Variants in ELMOD3 observed in about 807,000 individuals in gnomAD.
ELMOD3 encodes ELMO domain containing 3.
ELMOD3 carries 36 observed loss-of-function variants against 47.4 expected under a neutral mutation model. The ratio of observed to expected loss-of-function variants is 0.76; its 90% CI spans 0.58 to 1.00. The LOEUF (loss-of-function observed/expected upper bound fraction) is 1.00. ELMOD3 is among the 50% of genes least tolerant of loss of function. The probability of loss-of-function intolerance (pLI) is 0.00; values close to 1 mark genes in which losing one functional copy is unlikely to be tolerated. For missense variants in ELMOD3, 404 were observed against 463.8 expected (o/e 0.87, Z 1.18); for synonymous variants, 149 against 183.5 (o/e 0.81, Z 1.52).
intron 10 of ELMOD3, among the ~76,000 whole-genome samples, chr2:85,377,106 T>C (rs1373628349): frequency 6.6e-6 from 1 of 152,244 alleles, no homozygotes; most frequent in Non-Finnish European, 1.5e-5. Flanking sequence ...TCAAGGGTCA[T>C]AGGCAGCAGC....
intron 10 of ELMOD3, chr2:85,372,443 G>A (rs1316778467): frequency 1.3e-5 from 2 of 152,124 alleles, no homozygotes; most frequent in Admixed American, 1.3e-4. Flanking sequence ...TAAGTGATAT[G>A]GAAAACACTG....
chr2:85,377,371 G>A lies in ELMOD3; in HGVS notation c.635G>A (p.Gly212Asp), dbSNP rs1473692091. ...GCGAATCCAGCCACAGACCTGAGAG[G>A]CGCAGGCTTCCTTGCCCTCCTGCAT... ...QGANPATDLR[G>D]AGFLALLHLL... The change falls in exon 11 of 14, where the codon GGC becomes GAC. Residue 212 changes from glycine to aspartate, a missense_variant. Coordinates refer to ENST00000409013, the MANE Select transcript of ELMOD3 (RefSeq NM_001135022.2). The A allele has an allele frequency of 1.9e-6, 3 of 1,608,806 alleles. No individual in the cohort carries two copies. Among genetic ancestry groups the A allele is most frequent in the South Asian group, 1.1e-5 (1 of 90,080 alleles).
chr2:85,371,395 C>A (rs1295992647), intron 9 of ELMOD3, 45 bp from the exon 10 acceptor site: 2 of 1,611,900 alleles, frequency 1.2e-6, no homozygotes, highest in African/African-American at 2.7e-5. Flanking sequence ...CCGGTTCTCC[C>A]ATGAGGGGCA....
At position 85,357,073 on chromosome 2, in the gene ELMOD3, C is replaced by T; in HGVS notation, c.-126C>T. Reference sequence around the variant, plus strand: ...GTTTTCTTACTCTTAGTCTGAGTGACTGCCAAGGAAGGCAAAGGTAGAGCA... The same window carrying T: ...GTTTTCTTACTCTTAGTCTGAGTGATTGCCAAGGAAGGCAAAGGTAGAGCA... On this transcript the variant is annotated 5_prime_UTR_variant, in exon 4 of 14. Transcript: ENST00000409013. 1 of 643,870 alleles carries T rather than the reference C, an allele frequency of 1.6e-6. No individual in the cohort carries two copies. The highest frequency in any genetic ancestry group is 2.7e-6 in the Non-Finnish European group (1 of 367,250). 39.9% of individuals were successfully genotyped at this position (643,870 alleles called of 1,614,324 possible). A position where few individuals can be genotyped will look rare whatever the true frequency, so the allele number is the denominator to read the frequency against.
intron 10 of ELMOD3, among the ~76,000 whole-genome samples, chr2:85,373,927 T>TTC (rs1684985167): frequency 1.3e-5 from 2 of 150,836 alleles, no homozygotes; most frequent in Admixed American, 6.6e-5. Flanking sequence ...CTCTTTTTTT[T>TTC]TTTTTTTTTT....
At position 85,361,284 on chromosome 2, in the gene ELMOD3, G is replaced by A. The variant is rs146665167; in HGVS notation, c.55-902G>A. On this transcript the variant is annotated intron_variant, in intron 4 of 13. Coordinates refer to ENST00000409013, the MANE Select transcript of ELMOD3 (RefSeq NM_001135022.2). ...ATAGGAAACTGCTTCACTAAACTTC[G>A]CTCACTCAGAACCCTCAGACTTTCA... Among the ~76,000 whole-genome samples, 425 of 152,260 alleles carry A rather than the reference G, an allele frequency of 2.8e-3. 3 individuals are homozygous for A. The highest frequency in any genetic ancestry group is 4.5e-3 in the Non-Finnish European group (307 of 68,030).
chr2:85,370,840 A>G (rs773977469), intron 8 of ELMOD3, among the ~76,000 whole-genome samples: 4 of 152,216 alleles, frequency 2.6e-5, no homozygotes, highest in Non-Finnish European at 5.9e-5. Flanking sequence ...AATGCAAATA[A>G]TGGCTGATAA....
chr2:85,365,220 G>A (rs1002205652), intron 6 of ELMOD3, among the ~76,000 whole-genome samples: 1 of 151,304 alleles, frequency 6.6e-6, no homozygotes, highest in Admixed American at 6.6e-5. Flanking sequence ...GGATCACAAG[G>A]TCAGGAGTTC....
At position 85,387,348 on chromosome 2, in the gene ELMOD3, A is replaced by G. The variant is rs982165595; in HGVS notation, c.739-2403A>G. 2.5e-5 allele frequency: 15 copies of G among 605,488 alleles called. No individual in the cohort carries two copies. In the East Asian group the frequency reaches 3.9e-4, roughly 16 times the overall value. The allele number at this position is 605,488 out of a possible 1,614,324, so 37.5% of individuals were successfully genotyped here. On this transcript the variant is annotated intron_variant, in intron 11 of 13. Coordinates refer to ENST00000409013, the MANE Select transcript of ELMOD3 (RefSeq NM_001135022.2). ...CTCTGTGAGGTGGGTAGTGGGATAA[A>G]ATGTTAAGTGTTGACAAAATCTGTC...
intron 6 of ELMOD3, among the ~76,000 whole-genome samples, chr2:85,364,827 T>TA (rs1558696769): frequency 0.022 from 1,235 of 57,402 alleles, 3 homozygotes; most frequent in East Asian, 0.066. Context: ...ATATATATAT[T>TA]TTTTTTTTTT....
chr2:85,388,264 G>A (rs2104741036), intron 11 of ELMOD3, among the ~76,000 whole-genome samples: 1 of 152,236 alleles, frequency 6.6e-6, no homozygotes, highest in Non-Finnish European at 1.5e-5. Flanking sequence ...GTTGGATTGT[G>A]AGCCCTGGGC....
chr2:85,359,405 CTTTT>C (rs765640567), intron 4 of ELMOD3, among the ~76,000 whole-genome samples: 1 of 107,002 alleles, frequency 9.3e-6, no homozygotes, highest in Admixed American at 1.0e-4. Context: ...TTACATGACT[CTTTT>C]TTTTTTTTTT....
At chr2:85,359,033 T>C (rs1683757679) in intron 4 of ELMOD3, among the ~76,000 whole-genome samples, 1 of 152,254 alleles carries the variant, frequency 6.6e-6, no homozygotes, top group Admixed American at 6.5e-5. Context: ...TAAAGCACTT[T>C]CTCATTTGTC....
intron 4 of ELMOD3, among the ~76,000 whole-genome samples, chr2:85,361,593 A>T (rs1479089539): frequency 6.6e-6 from 1 of 152,160 alleles, no homozygotes; most frequent in Non-Finnish European, 1.5e-5. Context: ...ATGAGAACAC[A>T]TGGACACATA....
At chr2:85,374,696 C>T (rs938023984) in intron 10 of ELMOD3, among the ~76,000 whole-genome samples, 1 of 152,104 alleles carries the variant, frequency 6.6e-6, no homozygotes, top group Non-Finnish European at 1.5e-5. Context: ...CTTATAGTCC[C>T]AGCTACTGGG....
chr2:85,369,949 A>G, intron 8 of ELMOD3, 119 bp downstream of exon 8: 2 of 1,300,808 alleles, frequency 1.5e-6, no homozygotes, highest in South Asian at 1.4e-5. Flanking sequence ...CTTGGTGCCC[A>G]GGATCATGGG....
chr2:85,371,615 A>G (rs1231147992), intron 10 of ELMOD3, 53 bp downstream of exon 10: 3 of 1,608,840 alleles, frequency 1.9e-6, no homozygotes, highest in Non-Finnish European at 2.5e-6. Flanking sequence ...TTCCAGGACT[A>G]GAGTGAGAGG....
rs1174597908 is a variant in ELMOD3, at chr2:85,390,154, CAGA to C, written c.835_837del (p.Lys279del). ...TTCCTGCAGAGAGTGTAATCGGCAG[CAGA>C]AGGTCATCCCCGTGGTGAACAGCTT... is the stretch of plus-strand genomic sequence containing the variant. On this transcript the variant is annotated inframe_deletion, in exon 13 of 14. Transcript: ENST00000409013. 2 of 1,614,018 alleles carry C rather than the reference CAGA, an allele frequency of 1.2e-6. No individual in the cohort carries two copies. The highest frequency in any genetic ancestry group is 1.3e-5 in the African/African-American group (1 of 74,934).
At chr2:85,356,768 C>T (rs1262123144) in intron 3 of ELMOD3, 199 bp from the exon 4 acceptor site, 1 of 153,080 alleles carries the variant, frequency 6.5e-6, no homozygotes, top group African/African-American at 2.4e-5. Context: ...GTAATTCCAG[C>T]TACTCGGGAG....
Sources: gnomAD v4.1 joint callset for allele counts (sites outside exome capture counted in the v4.1 genomes callset) on GRCh38, gnomAD v4.1.1 for gene constraint, MANE v1.5 for transcripts, NCBI Gene and HGNC (gene_info 2026-07-23, HGNC 2026-07-21) for gene names.